Variants in GPC5 observed in about 807,000 individuals in gnomAD.
GPC5 encodes glypican 5, also known as glypican-5.
In GPC5, 47 loss-of-function variants were observed where a neutral mutation model predicts 53.9. The observed-to-expected ratio is 0.87, with a 90% CI of 0.69 to 1.11. GPC5 has a LOEUF of 1.11. GPC5 is among the 50% of genes most tolerant of loss of function. GPC5 has a pLI of 0.00. For synonymous variants in GPC5, 286 were observed against 263.3 expected (o/e 1.09, Z -0.84); for missense variants, 748 against 713.1 (o/e 1.05, Z -0.56).
At chr13:92,262,279 C>A (rs538054442) in intron 7 of GPC5, among the ~76,000 whole-genome samples, 1 of 152,238 alleles carries the variant, frequency 6.6e-6, no homozygotes, top group East Asian at 1.9e-4. Context: ...AGATGCTATG[C>A]AGTGAAATGT....
At chr13:92,582,699 G>C (rs1165466962) in intron 7 of GPC5, among the ~76,000 whole-genome samples, 1 of 152,024 alleles carries the variant, frequency 6.6e-6, no homozygotes, top group Non-Finnish European at 1.5e-5. Context: ...ACTTTTCAGT[G>C]TGCGGATCTT....
intron 7 of GPC5, among the ~76,000 whole-genome samples, chr13:92,350,533 G>A (rs2043467626): frequency 6.6e-6 from 1 of 152,152 alleles, no homozygotes; most frequent in Admixed American, 6.5e-5. Flanking sequence ...AGAGATTGGA[G>A]GCTGGGAAGA....
intron 5 of GPC5, among the ~76,000 whole-genome samples, chr13:91,845,855 A>C (rs1426281447): frequency 6.6e-6 from 1 of 152,136 alleles, no homozygotes; most frequent in Non-Finnish European, 1.5e-5. Context: ...TAGCTGCATG[A>C]TTTGAAAAGA....
At chr13:92,377,099 G>C (rs2043701389) in intron 7 of GPC5, among the ~76,000 whole-genome samples, 1 of 152,028 alleles carries the variant, frequency 6.6e-6, no homozygotes. Flanking sequence ...TCAAACCTTA[G>C]TTCCTGAATC....
intron 7 of GPC5, among the ~76,000 whole-genome samples, chr13:92,643,886 A>ACAC (rs34070047): frequency 1.1e-4 from 17 of 151,032 alleles, no homozygotes; most frequent in Non-Finnish European, 1.2e-4. Context: ...ATAAAAAAAG[A>ACAC]ACACACACAC....
At chr13:92,563,884 G>A (rs1205150121) in intron 7 of GPC5, among the ~76,000 whole-genome samples, 4 of 151,914 alleles carry the variant, frequency 2.6e-5, no homozygotes, top group Non-Finnish European at 5.9e-5. Flanking sequence ...CATATCACTT[G>A]TGGATCTAGA....
rs13378505 is a variant in GPC5, at chr13:92,325,826, G to T, written c.1561+180837G>T. ...AAGGAGTGACAGAAAGAAAATCAGT[G>T]GTTTCCTATGAACGAGGCATGGCAC... is the stretch of plus-strand genomic sequence containing the variant. On this transcript the variant is annotated intron_variant, in intron 7 of 7. Transcript: ENST00000377067. 3.9e-5 allele frequency among the ~76,000 whole-genome samples: 6 copies of T among 151,906 alleles called. No individual in the cohort carries two copies. In the East Asian group the frequency reaches 1.2e-3, roughly 29 times the overall value.
At chr13:92,577,166 T>C (rs2139048144) in intron 7 of GPC5, among the ~76,000 whole-genome samples, 1 of 152,278 alleles carries the variant, frequency 6.6e-6, no homozygotes, top group South Asian at 2.1e-4. Context: ...ACATCCTATC[T>C]GCCATGCTTC....
At chr13:92,480,009 A>G (rs1434552131) in intron 7 of GPC5, among the ~76,000 whole-genome samples, 3 of 152,166 alleles carry the variant, frequency 2.0e-5, no homozygotes, top group African/African-American at 7.2e-5. Context: ...AAAGTGGGCC[A>G]GGCATGCTGG....
chr13:91,420,781 G>A (rs1878564650), intron 1 of GPC5, among the ~76,000 whole-genome samples: 1 of 152,158 alleles, frequency 6.6e-6, no homozygotes, highest in African/African-American at 2.4e-5. Context: ...TTTATAAGGA[G>A]CTCTTCACTC....
chr13:91,993,622 A>G (rs900998916), intron 6 of GPC5, among the ~76,000 whole-genome samples: 9 of 152,088 alleles, frequency 5.9e-5, no homozygotes, highest in African/African-American at 2.2e-4. Flanking sequence ...GCACGCACTC[A>G]CACACACACA....
chr13:91,624,222 A>AGGGT (rs2033939351), intron 2 of GPC5, among the ~76,000 whole-genome samples: 1 of 152,140 alleles, frequency 6.6e-6, no homozygotes, highest in Non-Finnish European at 1.5e-5. Flanking sequence ...GACTGTCAAA[A>AGGGT]ATCTACCCCT....
chr13:91,751,449 T>G (rs937502497), intron 4 of GPC5, among the ~76,000 whole-genome samples: 5 of 152,240 alleles, frequency 3.3e-5, no homozygotes, highest in African/African-American at 1.2e-4. Flanking sequence ...CCATTTCAGA[T>G]CAGCAGCCAT....
intron 7 of GPC5, among the ~76,000 whole-genome samples, chr13:92,586,966 G>GTGCA (rs149952774): frequency 0.22 from 33,764 of 150,736 alleles, 3,848 homozygotes; most frequent in Non-Finnish European, 0.24. Flanking sequence ...ACACACACGC[G>GTGCA]CACACACACA....
intron 6 of GPC5, among the ~76,000 whole-genome samples, chr13:91,941,953 T>A (rs910457855): frequency 1.3e-5 from 2 of 152,170 alleles, no homozygotes; most frequent in African/African-American, 4.8e-5. Flanking sequence ...TGGTGTGATA[T>A]ATGTGTATAT....
At chr13:91,583,605 G>GT (rs200793540) in intron 2 of GPC5, among the ~76,000 whole-genome samples, 8,214 of 17,358 alleles carry the variant, frequency 0.47, 231 homozygotes, top group South Asian at 0.5. Flanking sequence ...ATTTTGTCAA[G>GT]GTTTTTTTTG....
chr13:91,485,448 C>T (rs1883554200), intron 2 of GPC5, among the ~76,000 whole-genome samples: 1 of 152,166 alleles, frequency 6.6e-6, no homozygotes, highest in African/African-American at 2.4e-5. Flanking sequence ...GAACTCCTGA[C>T]CTCAGGTGAT....
intron 7 of GPC5, among the ~76,000 whole-genome samples, chr13:92,364,487 T>C (rs1005229329): frequency 2.4e-4 from 37 of 151,740 alleles, no homozygotes; most frequent in African/African-American, 7.8e-4. Flanking sequence ...TCCCAGCACT[T>C]TGGGAGGCCA....
At chr13:91,672,222 C>T (rs1017845155) in intron 2 of GPC5, among the ~76,000 whole-genome samples, 1 of 152,114 alleles carries the variant, frequency 6.6e-6, no homozygotes, top group African/African-American at 2.4e-5. Flanking sequence ...GCAATTGCAA[C>T]AAAAGCAAAA....
Sources: allele counts gnomAD v4.1 joint callset (sites outside exome capture counted in the v4.1 genomes callset), GRCh38; gene constraint gnomAD v4.1.1; transcripts MANE v1.5; gene names NCBI Gene and HGNC (gene_info 2026-07-23, HGNC 2026-07-21).